The following RGS7 variants were observed in gnomAD, a reference collection of about 807,000 sequenced individuals.
RGS7 encodes the protein regulator of G protein signaling 7.
A neutral mutation model predicts 81.1 loss-of-function variants in RGS7; 27 were observed. The ratio of observed to expected loss-of-function variants is 0.33; its 90% CI spans 0.25 to 0.46. The LOEUF (loss-of-function observed/expected upper bound fraction) is 0.46. Ranked by LOEUF, RGS7 falls within the 20% of genes least tolerant of loss-of-function variation. RGS7 has a pLI of 1.00. For missense variants in RGS7, 396 were observed against 607.4 expected (o/e 0.65, Z 3.66); for synonymous variants, 208 against 207.7 (o/e 1.00, Z -0.01).
intron 2 of RGS7, among the ~76,000 whole-genome samples, chr1:241,339,282 C>G (rs1260656559): frequency 6.6e-6 from 1 of 152,192 alleles, no homozygotes; most frequent in Non-Finnish European, 1.5e-5. Flanking sequence ...TTTATCCAGT[C>G]TATCACTGAT....
Position 241,332,550 on chromosome 1 carries a change from A to G in RGS7, c.78+23149T>C, listed in dbSNP as rs140133734. Among the ~76,000 whole-genome samples, 1,034 of 152,284 alleles carry G rather than the reference A, an allele frequency of 6.8e-3. 9 individuals are homozygous for G. Among genetic ancestry groups the G allele is most frequent in the Middle Eastern group, 0.01 (3 of 294 alleles). On this transcript the variant is annotated intron_variant, in intron 2 of 18. Coordinates refer to ENST00000440928, the MANE Select transcript of RGS7 (RefSeq NM_001364886.1). Reference sequence around the variant, plus strand: ...GAGGGAGAAAATTCTGGCATGCGGGAGAGGGAGGACTGAATGAGACAACTT... The same window carrying G: ...GAGGGAGAAAATTCTGGCATGCGGGGGAGGGAGGACTGAATGAGACAACTT...
intron 18 of RGS7, among the ~76,000 whole-genome samples, chr1:240,783,904 G>A (rs1460748385): frequency 4.0e-5 from 6 of 151,716 alleles, no homozygotes; most frequent in African/African-American, 1.5e-4. Flanking sequence ...GGCCAGGTGC[G>A]GTGATTCATG....
intron 3 of RGS7, among the ~76,000 whole-genome samples, chr1:241,022,433 A>C (rs2059584708): frequency 6.6e-6 from 1 of 152,164 alleles, no homozygotes; most frequent in Non-Finnish European, 1.5e-5. Flanking sequence ...AGAAGACTAG[A>C]AATTATAGTT....
intron 14 of RGS7, among the ~76,000 whole-genome samples, 192 bp downstream of exon 14, chr1:240,811,726 A>T (rs1351558869): frequency 6.6e-6 from 1 of 152,252 alleles, no homozygotes; most frequent in Non-Finnish European, 1.5e-5. Context: ...AAAATAAGTT[A>T]TAAGAAATTG....
intron 6 of RGS7, among the ~76,000 whole-genome samples, chr1:240,910,595 C>G (rs997244742): frequency 6.6e-6 from 1 of 152,248 alleles, no homozygotes; most frequent in Admixed American, 6.5e-5. Context: ...ACTGAATGTT[C>G]CCAGCACAAA....
intron 9 of RGS7, among the ~76,000 whole-genome samples, chr1:240,830,372 G>A (rs1693613887): frequency 6.6e-6 from 1 of 152,288 alleles, no homozygotes; most frequent in Non-Finnish European, 1.5e-5. Context: ...TGATGAGATG[G>A]TACCTGTTGC....
At chr1:240,861,967 ATG>A (rs1248479732) in intron 9 of RGS7, among the ~76,000 whole-genome samples, 1 of 152,178 alleles carries the variant, frequency 6.6e-6, no homozygotes, top group Non-Finnish European at 1.5e-5. Context: ...GTGTGTGTAT[ATG>A]TGTGGGGCTT....
At chr1:241,238,289 T>C (rs891290082) in intron 2 of RGS7, among the ~76,000 whole-genome samples, 3 of 152,096 alleles carry the variant, frequency 2.0e-5, no homozygotes, top group Non-Finnish European at 4.4e-5. Flanking sequence ...AAGGAAGTAA[T>C]AGTGGCTGCA....
intron 3 of RGS7, among the ~76,000 whole-genome samples, chr1:241,038,590 T>C (rs2060448104): frequency 6.6e-6 from 1 of 152,210 alleles, no homozygotes; most frequent in African/African-American, 2.4e-5. Context: ...GAGACAATTA[T>C]GCTGTCAGAA....
chr1:241,039,898 C>A (rs1017083778), intron 3 of RGS7, among the ~76,000 whole-genome samples: 1 of 151,786 alleles, frequency 6.6e-6, no homozygotes, highest in Non-Finnish European at 1.5e-5. Flanking sequence ...AATAAATAAA[C>A]CTGTGTTAAG....
At chr1:241,059,025 G>A (rs2061614764) in intron 3 of RGS7, among the ~76,000 whole-genome samples, 1 of 152,100 alleles carries the variant, frequency 6.6e-6, no homozygotes, top group Admixed American at 6.5e-5. Context: ...CTAACCTATT[G>A]CATCTCCTGA....
chr1:241,098,479 AT>A (rs1487349861), intron 3 of RGS7, among the ~76,000 whole-genome samples, 186 bp downstream of exon 3: 1 of 152,130 alleles, frequency 6.6e-6, no homozygotes, highest in Admixed American at 6.5e-5. Flanking sequence ...CAGGGTCATG[AT>A]TTTTGGCGTT....
chr1:241,291,739 C>T (rs1036531889), intron 2 of RGS7, among the ~76,000 whole-genome samples: 3 of 151,744 alleles, frequency 2.0e-5, no homozygotes, highest in Non-Finnish European at 2.9e-5. Flanking sequence ...CCACCACGCC[C>T]GGCTTTTTGT....
intron 2 of RGS7, among the ~76,000 whole-genome samples, chr1:241,296,857 C>T (rs1260346225): frequency 4.6e-5 from 7 of 152,026 alleles, no homozygotes; most frequent in African/African-American, 1.7e-4. Context: ...AGGCAGGAGA[C>T]ACAAATTCAT....
At chr1:240,936,734 T>TA (rs768984056) in intron 4 of RGS7, 28 bp from the exon 5 acceptor site, 4 of 1,539,090 alleles carry the variant, frequency 2.6e-6, no homozygotes, top group Admixed American at 3.3e-5. Context: ...ACAAAGAACA[T>TA]AAAAAAGCCT....
intron 16 of RGS7, among the ~76,000 whole-genome samples, chr1:240,802,238 T>G (rs1688137817): frequency 6.6e-6 from 1 of 152,152 alleles, no homozygotes; most frequent in Admixed American, 6.6e-5. Context: ...ATGAATGACG[T>G]TGATGTTTAT....
chr1:241,249,195 A>C (rs1012385241), intron 2 of RGS7, among the ~76,000 whole-genome samples: 1 of 152,104 alleles, frequency 6.6e-6, no homozygotes, highest in Non-Finnish European at 1.5e-5. Flanking sequence ...ACTTTGTGAA[A>C]CCTAAGGACT....
At chr1:240,808,815 C>T (rs36013837) in intron 14 of RGS7, among the ~76,000 whole-genome samples, 8,182 of 151,728 alleles carry the variant, frequency 0.054, 309 homozygotes, top group Middle Eastern at 0.085. Flanking sequence ...TTCAAGGCTG[C>T]TATGAGCTAT....
rs989384862 is a variant in RGS7, at chr1:240,868,157, A to C, written c.609+430T>G. Among the ~76,000 whole-genome samples, 2 of 150,612 alleles carry C rather than the reference A, an allele frequency of 1.3e-5. No homozygotes were observed. The highest frequency in any genetic ancestry group is 3.0e-5 in the Non-Finnish European group (2 of 67,688). ...AAGAAAGAAAGAAAGAAAGAAAGAA[A>C]GGACGGAGGGAGGGAAGGACGAAGG... On this transcript the variant is annotated intron_variant, in intron 9 of 18. Coordinates refer to ENST00000440928, the MANE Select transcript of RGS7 (RefSeq NM_001364886.1). The surrounding 1 kb of genome is among the most constrained non-coding windows in gnomAD (Gnocchi z 5.1).
Sources: allele counts gnomAD v4.1 joint callset (sites outside exome capture counted in the v4.1 genomes callset), GRCh38; gene constraint gnomAD v4.1.1; non-coding constraint Gnocchi (gnomAD v3.1); transcripts MANE v1.5; gene names NCBI Gene and HGNC (gene_info 2026-07-23, HGNC 2026-07-21).